The following POLG variants were observed in gnomAD, a reference collection of about 807,000 sequenced individuals.
POLG encodes the protein DNA polymerase subunit gamma-1.
Under a neutral mutation model 155.4 loss-of-function variants are expected in POLG, and 110 were observed. The ratio of observed to expected loss-of-function variants is 0.71; its 90% confidence interval spans 0.61 to 0.83. The LOEUF (loss-of-function observed/expected upper bound fraction) is 0.83, where lower values mean the gene tolerates loss of function less well. Ranked by LOEUF, POLG falls within the 40% of genes least tolerant of loss-of-function variation. The probability of loss-of-function intolerance (pLI) is 0.00; values close to 1 mark genes in which losing one functional copy is unlikely to be tolerated. For synonymous variants in POLG, 701 were observed against 631.5 expected, an observed-to-expected ratio of 1.11 and a Z score of -1.65; for missense variants, 1,685 against 1,627.5, an observed-to-expected ratio of 1.04 and a Z score of -0.61.
Position 89,334,647 on chromosome 15 carries a change from TCCCCGCCGCCGA to T in POLG, c.-160+14_-160+25del, listed in dbSNP as rs1209722587. 1 of 152,480 alleles carries T rather than the reference TCCCCGCCGCCGA, an allele frequency of 6.6e-6. No individual in the cohort carries two copies. The highest frequency in any genetic ancestry group is 1.5e-5 in the Non-Finnish European group (1 of 68,298). 9.4% of individuals were successfully genotyped at this position (152,480 alleles called of 1,614,324 possible). ...CGCGCCGTCGCTCAGCGACCCGGCCTCCCCGCCGCCGACCCCGCCGGAAACCTCGGTCCTCAC... is the reference window on the plus strand; with the variant it reads ...CGCGCCGTCGCTCAGCGACCCGGCCTCCCCGCCGGAAACCTCGGTCCTCAC... On this transcript the variant is annotated intron_variant, in intron 1 of 22. Transcript: ENST00000268124.
rs1407758499 is a variant in POLG, at chr15:89,318,538, T to A, written c.3482+3A>T. On this transcript the variant is annotated splice_donor_region_variant and intron_variant, in intron 21 of 22. Transcript: ENST00000268124. ...CAGGCTAGAGGCCATGGGCCCCGCATACCTGGTCAAGAGGTTGGTGATCTG... is the reference window on the plus strand; with the variant it reads ...CAGGCTAGAGGCCATGGGCCCCGCAAACCTGGTCAAGAGGTTGGTGATCTG... The A allele has an allele frequency of 1.2e-6, 2 of 1,612,626 alleles. No homozygotes were observed. The highest frequency in any genetic ancestry group is 1.7e-6 in the Non-Finnish European group (2 of 1,179,652).
At position 89,316,804 on chromosome 15, in the gene POLG, T is replaced by G. The variant is rs148786642; in HGVS notation, c.3667A>C (p.Ile1223Leu). The G allele has an allele frequency of 4.3e-6, 7 of 1,613,910 alleles. No homozygotes were observed. Among genetic ancestry groups the G allele is most frequent in the Non-Finnish European group, 5.9e-6 (7 of 1,179,806 alleles). Reference sequence around the variant, plus strand: ...AAGGAGCCTTTGGTGAGTTCAATTATCTGGTAAATATCCAGCGCTTCACCT... The same window carrying G: ...AAGGAGCCTTTGGTGAGTTCAATTAGCTGGTAAATATCCAGCGCTTCACCT... ...PQGEALDIYQ[I>L]IELTKGSLEK... is the part of the protein sequence containing the mutation. The change falls in exon 23 of 23, where the codon ATA becomes CTA. Residue 1223 changes from isoleucine to leucine, a missense_variant. This residue lies in a region of POLG where 470 missense variants were observed against 439.9 expected (regional missense o/e 1.07). Coordinates refer to ENST00000268124, the MANE Select transcript of POLG (RefSeq NM_002693.3).
chr15:89,318,712 G>A lies in POLG; in HGVS notation c.3311C>T (p.Ser1104Phe), dbSNP rs1010372555. 2 of 1,614,198 alleles carry A rather than the reference G, an allele frequency of 1.2e-6. No homozygotes were observed. Among genetic ancestry groups the A allele is most frequent in the Admixed American group, 1.7e-5 (1 of 60,030 alleles). The part of the protein sequence containing the change: ...TSRVNWVVQS[S>F]AVDYLHLMLV... ...CATGAGGTGTAAGTAGTCAACAGCA[G>A]AGCTCTGTACCACCCAATTCACACG... is the stretch of plus-strand genomic sequence containing the variant. The change falls in exon 21 of 23, where the codon TCT becomes TTT. Residue 1104 changes from serine to phenylalanine, a missense_variant. Ser to Phe is a radical substitution (Grantham distance 155, BLOSUM62 -2). This residue lies in a region of POLG where 470 missense variants were observed against 439.9 expected (regional missense o/e 1.07). Transcript: ENST00000268124.
intron 22 of POLG, chr15:89,317,078 G>A (rs754053297): frequency 1.0e-5 from 6 of 589,510 alleles, no homozygotes; most frequent in Non-Finnish European, 1.8e-5. Context: ...TTGTTTTTCT[G>A]TCACCTATAG....
Position 89,328,810 on chromosome 15 carries a change from C to T in POLG, c.1045G>A (p.Asp349Asn). 1 of 1,614,132 alleles carries T rather than the reference C, an allele frequency of 6.2e-7. No individual in the cohort carries two copies. Among genetic ancestry groups the T allele is most frequent in the Non-Finnish European group, 8.5e-7 (1 of 1,180,044 alleles). ...GPAISSWDWL[D>N]ISSVNSLAEV... The stretch of plus-strand genomic sequence containing the variant: ...GCCAGACTGTTGACACTGCTGATGT[C>T]CAGCCAGTCCCAGGATGAGATCTGG... The change falls in exon 5 of 23, where the codon GAC becomes AAC. Residue 349 changes from aspartate (D) to asparagine (N), a missense_variant. Transcript: ENST00000268124.
intron 9 of POLG, 22 bp downstream of exon 9, chr15:89,326,590 G>A: frequency 6.2e-7 from 1 of 1,612,338 alleles, no homozygotes; most frequent in African/African-American, 1.3e-5. Flanking sequence ...TAGATACACT[G>A]CTGGGGGTGG....
intron 22 of POLG, 75 bp from the exon 23 acceptor site, chr15:89,316,902 C>A: frequency 9.4e-7 from 1 of 1,063,742 alleles, no homozygotes; most frequent in South Asian, 1.3e-5. Flanking sequence ...AGCAAAGGAG[C>A]TTAATGCTAA....
At chr15:89,324,369 G>T (rs2055442122) in intron 10 of POLG, 142 bp from the exon 11 acceptor site, 1 of 946,156 alleles carries the variant, frequency 1.1e-6, no homozygotes, top group African/African-American at 1.6e-5. Context: ...CACTTTCCCG[G>T]GTTTTAGACA....
At position 89,325,149 on chromosome 15, in the gene POLG, AGTGAGTGAGTGAGTGAGTG is replaced by A. The variant is rs1567189557; in HGVS notation, c.1949+282_1949+300del. 2.3e-4 allele frequency among the ~76,000 whole-genome samples: 20 copies of A among 86,750 alleles called. 1 individual carries two copies. Among genetic ancestry groups the A allele is most frequent in the Middle Eastern group, 5.3e-3 (1 of 188 alleles). The allele number at this position is 86,750 out of a possible 152,430, so 56.9% of individuals were successfully genotyped here. On this transcript the variant is annotated intron_variant, in intron 10 of 22. Coordinates refer to ENST00000268124, the MANE Select transcript of POLG (RefSeq NM_002693.3). ...GAGTGAGAGAGTGAGTGAGAGAGTGAGTGAGTGAGTGAGTGAGTGAGAGAGTGAGAGAGTGAGTGAGTGA... is the reference window on the plus strand; with the variant it reads ...GAGTGAGAGAGTGAGTGAGAGAGTGAAGAGAGTGAGAGAGTGAGTGAGTGA...
chr15:89,328,923 C>T lies in POLG; in HGVS notation c.1023+20G>A. 6.2e-7 allele frequency: 1 copy of T among 1,614,134 alleles called. No individual in the cohort carries two copies. The highest frequency in any genetic ancestry group is 8.5e-7 in the Non-Finnish European group (1 of 1,180,030). The stretch of plus-strand genomic sequence containing the variant: ...GGGTCCCAAGCACTATGCTCCTGCC[C>T]ACCGGCAGTGTGCTCTCACCGCTGG... On this transcript the variant is annotated intron_variant, in intron 4 of 22. Transcript: ENST00000268124.
At chr15:89,326,773 G>A (rs1207204436) in intron 8 of POLG, 35 bp from the exon 9 acceptor site, 8 of 1,613,920 alleles carry the variant, frequency 5.0e-6, no homozygotes, top group Non-Finnish European at 6.8e-6. Context: ...AGGAGCAGGA[G>A]AAGGAACTCT....
intron 2 of POLG, among the ~76,000 whole-genome samples, 178 bp downstream of exon 2, chr15:89,332,918 T>G (rs1390440240): frequency 6.6e-6 from 1 of 152,218 alleles, no homozygotes; most frequent in Admixed American, 6.5e-5. Context: ...TTACTGCCTG[T>G]GATCTTCCCA....
Position 89,324,180 on chromosome 15 carries a change from T to C in POLG, c.1997A>G (p.Gln666Arg), listed in dbSNP as rs62640029. Residue 666 changes from glutamine (Q) to arginine (R), a missense_variant, in exon 11 of 23, where the codon CAG becomes CGG. Coordinates refer to ENST00000268124, the MANE Select transcript of POLG (RefSeq NM_002693.3). ...GCCGGCCTCCTGGGGCATCAGCTGC[T>C]GCTTCCCCTGTTCGAGACAGTGCTT... Reference protein sequence around the residue: ...YRKHCLEQGKQQLMPQEAGLA... With the variant: ...YRKHCLEQGKRQLMPQEAGLA... 6.2e-7 allele frequency: 1 copy of C among 1,613,846 alleles called. No homozygotes were observed. Among genetic ancestry groups the C allele is most frequent in the Middle Eastern group, 1.6e-4 (1 of 6,062 alleles).
Position 89,323,911 on chromosome 15 carries a change from T to A in POLG, c.2071-10A>T, listed in dbSNP as rs1169635458. On this transcript the variant is annotated splice_polypyrimidine_tract_variant and intron_variant, in intron 11 of 22. Coordinates refer to ENST00000268124, the MANE Select transcript of POLG (RefSeq NM_002693.3). ...AATCCAGTTCTTCTACCTGGAGCAG[T>A]CCAAGGACCAAAGTAGTGAAGCAGG... is the stretch of plus-strand genomic sequence containing the variant. The A allele has an allele frequency of 1.2e-6, 2 of 1,609,582 alleles. No homozygotes were observed. The highest frequency in any genetic ancestry group is 1.7e-6 in the Non-Finnish European group (2 of 1,176,000).
rs1243475118 is a variant in POLG at position 89,327,444 on chromosome 15, T to C, written c.1251-95A>G. The C allele has an allele frequency of 1.7e-5, 19 of 1,129,004 alleles. No individual in the cohort carries two copies. The Admixed American group carries it at 1.9e-4, about 11-fold the overall frequency. 69.9% of individuals were successfully genotyped at this position (1,129,004 alleles called of 1,614,324 possible). Reference sequence around the variant, plus strand: ...GTTTAGCAAGCCTCAACCCAGCCACTGACATGGCACAGCTCAAAAGTCAGA... The same window carrying C: ...GTTTAGCAAGCCTCAACCCAGCCACCGACATGGCACAGCTCAAAAGTCAGA... On this transcript the variant is annotated intron_variant, in intron 6 of 22. Transcript: ENST00000268124.
In POLG at chr15:89,326,547, G is replaced by A. The variant is rs74031922; in HGVS notation, c.1712+65C>T. 1.2e-3 allele frequency: 1,914 copies of A among 1,585,560 alleles called. 21 individuals carry two copies. In the African/African-American group the frequency reaches 0.023, roughly 19 times the overall value. The stretch of plus-strand genomic sequence containing the variant: ...TGCCTCTGTGCCAGAACCCAGACCA[G>A]GGCTGTCCTGAGAATGGAGCAAGGG... On this transcript the variant is annotated intron_variant, in intron 9 of 22. Transcript: ENST00000268124.
rs565584613 is a variant in POLG, at chr15:89,317,264, G to C, written c.3643+112C>G. The C allele has an allele frequency of 4.5e-6, 4 of 883,568 alleles. No individual in the cohort carries two copies. In the African/African-American group the frequency reaches 6.6e-5, roughly 14 times the overall value. 54.7% of individuals were successfully genotyped at this position (883,568 alleles called of 1,614,324 possible). ...TAAACTGAAATTAGCCTAGAATATA[G>C]CCTGAGTCAAGAGTGGATTCTCTGG... On this transcript the variant is annotated intron_variant, in intron 22 of 22. Coordinates refer to ENST00000268124, the MANE Select transcript of POLG (RefSeq NM_002693.3).
At chr15:89,323,998 G>C (rs2055435894) in intron 11 of POLG, 97 bp from the exon 12 acceptor site, 4 of 1,563,154 alleles carry the variant, frequency 2.6e-6, no homozygotes, top group Non-Finnish European at 3.5e-6. Flanking sequence ...CTGCAGGCCA[G>C]TCTGGGGTGA....
chr15:89,321,332 GA>G, intron 16 of POLG, 72 bp from the exon 17 acceptor site: 1 of 1,558,508 alleles, frequency 6.4e-7, no homozygotes, highest in Non-Finnish European at 8.8e-7. Flanking sequence ...GACTGAGAAA[GA>G]GCTAGAGCCT....
Sources: gnomAD v4.1 joint callset for allele counts (sites outside exome capture counted in the v4.1 genomes callset) on GRCh38, gnomAD v4.1.1 for gene constraint, gnomAD v4.1.1 regional missense constraint, MANE v1.5 for transcripts, NCBI Gene and HGNC (gene_info 2026-07-23, HGNC 2026-07-21) for gene names.